TMEM108: variants seen among roughly 807,000 people sequenced by gnomAD.
The protein encoded by TMEM108 is cancer/testis antigen 124.
Under a neutral mutation model 35.1 loss-of-function variants are expected in TMEM108, and 12 were observed. That is an observed-to-expected ratio of 0.34 (90% CI 0.22 to 0.55). The LOEUF (loss-of-function observed/expected upper bound fraction) is 0.55. TMEM108 is among the 20% of genes least tolerant of loss of function. TMEM108 has a pLI of 0.89. For missense variants in TMEM108, 680 were observed against 753.3 expected (o/e 0.90, Z 1.14); for synonymous variants, 287 against 308.6 (o/e 0.93, Z 0.73).
At chr3:133,361,998 T>C (rs954299618) in intron 3 of TMEM108, among the ~76,000 whole-genome samples, 4 of 152,264 alleles carry the variant, frequency 2.6e-5, no homozygotes, top group South Asian at 2.1e-4. Flanking sequence ...ATTTGACCAT[T>C]CCTATCACCA....
chr3:133,269,494 G>A (rs1381749157), intron 3 of TMEM108, among the ~76,000 whole-genome samples: 5 of 152,094 alleles, frequency 3.3e-5, no homozygotes, highest in African/African-American at 9.7e-5. Flanking sequence ...AGGAGCACTG[G>A]GGTCACTGGC....
At chr3:133,312,134 A>T (rs1367499726) in intron 3 of TMEM108, among the ~76,000 whole-genome samples, 1 of 152,190 alleles carries the variant, frequency 6.6e-6, no homozygotes, top group Non-Finnish European at 1.5e-5. Context: ...CGCCTGTATG[A>T]GGTGTCTGTC....
At chr3:133,252,833 A>G (rs1409167738) in intron 3 of TMEM108, among the ~76,000 whole-genome samples, 1 of 152,156 alleles carries the variant, frequency 6.6e-6, no homozygotes, top group Non-Finnish European at 1.5e-5. Context: ...AAAACACCAT[A>G]TGTATTTTCC....
Position 133,380,158 on chromosome 3 carries a change from C to G in TMEM108, c.447C>G (p.Ala149=). 3.7e-6 allele frequency: 6 copies of G among 1,612,990 alleles called. No homozygotes were observed. The South Asian group carries it at 5.5e-5, about 15-fold the overall frequency. The part of the protein sequence containing the change: ...PTILLTKPPG[A]TSRPTTAPPR... The stretch of plus-strand genomic sequence containing the variant: ...TCCTGCTGACAAAGCCACCGGGGGC[C>G]ACCAGCCGCCCCACCACAGCGCCCC... Residue 149 remains alanine (A), a synonymous_variant, in exon 4 of 6, where the codon GCC becomes GCG. Coordinates refer to ENST00000321871, the MANE Select transcript of TMEM108 (RefSeq NM_023943.4). This position sits in a 1 kb window ranked among gnomAD's most constrained non-coding sequence, Gnocchi z 5.3.
chr3:133,138,163 A>G (rs1339249189), intron 2 of TMEM108, among the ~76,000 whole-genome samples: 1 of 152,206 alleles, frequency 6.6e-6, no homozygotes, highest in African/African-American at 2.4e-5. Flanking sequence ...CACAAAGAAA[A>G]TAAAATGAAG....
chr3:133,207,795 A>G (rs1157841792), intron 2 of TMEM108, among the ~76,000 whole-genome samples: 1 of 152,312 alleles, frequency 6.6e-6, no homozygotes, highest in East Asian at 1.9e-4. Flanking sequence ...AAGTCTAATA[A>G]TGAAGATGTG....
intron 3 of TMEM108, among the ~76,000 whole-genome samples, chr3:133,263,407 C>T (rs1247391467): frequency 6.6e-6 from 1 of 152,168 alleles, no homozygotes; most frequent in Non-Finnish European, 1.5e-5. Flanking sequence ...CTATCCTGAT[C>T]ACAATTAAAG....
At chr3:133,392,275 G>A (rs1443987025) in intron 5 of TMEM108, among the ~76,000 whole-genome samples, 1 of 124,392 alleles carries the variant, frequency 8.0e-6, no homozygotes, top group Non-Finnish European at 1.8e-5. Flanking sequence ...TGATTCTCCT[G>A]CCTCAGCCTC....
chr3:133,303,563 A>G (rs1466408421), intron 3 of TMEM108, among the ~76,000 whole-genome samples: 1 of 152,182 alleles, frequency 6.6e-6, no homozygotes, highest in Non-Finnish European at 1.5e-5. Context: ...CTTAAGCCCC[A>G]AAGGAATCTG....
chr3:133,314,032 A>G (rs1487184439), intron 3 of TMEM108, among the ~76,000 whole-genome samples: 1 of 152,106 alleles, frequency 6.6e-6, no homozygotes, highest in African/African-American at 2.4e-5. Context: ...CTGCTGTCTT[A>G]TTAATATCTC....
chr3:133,292,130 T>G (rs1435957780), intron 3 of TMEM108, among the ~76,000 whole-genome samples: 2 of 151,172 alleles, frequency 1.3e-5, no homozygotes, highest in African/African-American at 4.8e-5. Context: ...GATGGTTGCG[T>G]AGAAGTTTAC....
chr3:133,271,977 A>G (rs1477068432), intron 3 of TMEM108, among the ~76,000 whole-genome samples: 1 of 152,174 alleles, frequency 6.6e-6, no homozygotes, highest in African/African-American at 2.4e-5. Flanking sequence ...GCTATTGACA[A>G]AATTAATGAA....
chr3:133,236,763 C>G (rs895669381), intron 3 of TMEM108, among the ~76,000 whole-genome samples: 3 of 152,040 alleles, frequency 2.0e-5, no homozygotes, highest in Non-Finnish European at 4.4e-5. Context: ...ATAACTATAT[C>G]TTTTTCAAGA....
chr3:133,215,481 G>A (rs1348597943), intron 2 of TMEM108, among the ~76,000 whole-genome samples: 3 of 151,604 alleles, frequency 2.0e-5, no homozygotes, highest in South Asian at 2.1e-4. Context: ...GAATGTATGC[G>A]TTGATTGACT....
At chr3:133,245,881 G>C (rs1258590219) in intron 3 of TMEM108, among the ~76,000 whole-genome samples, 2 of 151,724 alleles carry the variant, frequency 1.3e-5, no homozygotes, top group African/African-American at 4.8e-5. Flanking sequence ...AATAATATTT[G>C]TATTTAAACC....
intron 2 of TMEM108, among the ~76,000 whole-genome samples, chr3:133,150,342 G>GGTTTT (rs370804213): frequency 9.1e-6 from 1 of 109,708 alleles, no homozygotes; most frequent in Non-Finnish European, 1.8e-5. Context: ...AGGTTATTTG[G>GGTTTT]TTTTTTTTTT....
chr3:133,294,796 A>G (rs1032597875), intron 3 of TMEM108, among the ~76,000 whole-genome samples: 3 of 152,202 alleles, frequency 2.0e-5, no homozygotes, highest in African/African-American at 7.2e-5. Context: ...CAATTGGGGT[A>G]ATTTCAGATT....
intron 2 of TMEM108, among the ~76,000 whole-genome samples, chr3:133,178,769 A>C (rs1408321697): frequency 6.6e-6 from 1 of 152,244 alleles, no homozygotes; most frequent in Non-Finnish European, 1.5e-5. Flanking sequence ...CATGTCTAAA[A>C]CACCAAAAGC....
At chr3:133,185,206 T>G (rs559830697) in intron 2 of TMEM108, among the ~76,000 whole-genome samples, 108 of 152,196 alleles carry the variant, frequency 7.1e-4, no homozygotes, top group Non-Finnish European at 1.4e-3. Flanking sequence ...GAAAGCTTGC[T>G]TCCTGCCACA....
Sources: gnomAD v4.1 joint callset for allele counts (sites outside exome capture counted in the v4.1 genomes callset) on GRCh38, gnomAD v4.1.1 for gene constraint, Gnocchi (gnomAD v3.1) non-coding constraint, MANE v1.5 for transcripts, NCBI Gene and HGNC (gene_info 2026-07-23, HGNC 2026-07-21) for gene names.